Variants in SUSD6 observed in about 807,000 individuals in gnomAD.
SUSD6 encodes sushi domain containing 6.
A neutral mutation model predicts 28.4 loss-of-function variants in SUSD6; 16 were observed. That is an observed-to-expected ratio of 0.56 (90% CI 0.38 to 0.86). The LOEUF is 0.86. SUSD6 is among the 40% of genes least tolerant of loss of function. The pLI is 0.00. For synonymous variants in SUSD6, 147 were observed against 159.6 expected, an observed-to-expected ratio of 0.92 and a Z score of 0.59; for missense variants, 341 against 384.2, an observed-to-expected ratio of 0.89 and a Z score of 0.94.
chr14:69,633,183 C>T (rs1001788638), intron 1 of SUSD6, among the ~76,000 whole-genome samples: 1 of 152,230 alleles, frequency 6.6e-6, no homozygotes, highest in Admixed American at 6.5e-5. Context: ...TTGTTGACTT[C>T]CCACTACTTA....
At chr14:69,660,789 ATAAAG>A (rs1885650551) in intron 2 of SUSD6, among the ~76,000 whole-genome samples, 1 of 152,234 alleles carries the variant, frequency 6.6e-6, no homozygotes, top group Non-Finnish European at 1.5e-5. Flanking sequence ...TTCAATGTCT[ATAAAG>A]TTTTATTGGA....
intron 1 of SUSD6, among the ~76,000 whole-genome samples, chr14:69,630,700 C>T (rs1459441609): frequency 6.6e-6 from 1 of 151,976 alleles, no homozygotes; most frequent in Non-Finnish European, 1.5e-5. Context: ...AAAAAAACCT[C>T]TTCCCCTCTC....
chr14:69,658,720 C>T lies in SUSD6; in HGVS notation c.121+7C>T, dbSNP rs554798849. On this transcript the variant is annotated splice_region_variant and intron_variant, in intron 2 of 5. Transcript: ENST00000342745. ...GGAGACGGACTTGCTTCCGGTAAGT[C>T]CTGACCTGCCTTCTGTGTGTGGGTG... The T allele has an allele frequency of 2.3e-5, 37 of 1,613,864 alleles. 2 individuals are homozygous for T. The Middle Eastern group carries it at 2.1e-3, about 94-fold the overall frequency.
intron 1 of SUSD6, among the ~76,000 whole-genome samples, chr14:69,626,708 C>T (rs1057124108): frequency 2.0e-5 from 3 of 152,018 alleles, no homozygotes; most frequent in African/African-American, 7.2e-5. Flanking sequence ...GAGATAGGGT[C>T]TTGTTCTGTT....
intron 2 of SUSD6, among the ~76,000 whole-genome samples, chr14:69,662,936 C>T (rs1885684522): frequency 6.6e-6 from 1 of 152,186 alleles, no homozygotes; most frequent in Non-Finnish European, 1.5e-5. Context: ...CAAATAACAA[C>T]AACAGAATTG....
At chr14:69,700,974 T>G (rs182943745) in intron 2 of SUSD6, among the ~76,000 whole-genome samples, 3 of 152,320 alleles carry the variant, frequency 2.0e-5, no homozygotes, top group Admixed American at 2.0e-4. Flanking sequence ...GGAGAGTATG[T>G]TTATAAACTC....
At chr14:69,685,330 T>C (rs761254991) in intron 2 of SUSD6, among the ~76,000 whole-genome samples, 16 of 152,234 alleles carry the variant, frequency 1.1e-4, no homozygotes, top group Non-Finnish European at 1.5e-4. Context: ...GAAGGAACCA[T>C]TGTGCTACTA....
chr14:69,709,190 T>C lies in SUSD6; in HGVS notation c.886+86T>C, dbSNP rs541429194. ...AAGGACTGTGAGCCTTTCTAAATAA[T>C]TGGTATATTTTTAGCAAAAAAAAGA... On this transcript the variant is annotated intron_variant, in intron 5 of 5. Coordinates refer to ENST00000342745, the MANE Select transcript of SUSD6 (RefSeq NM_014734.4). The C allele has an allele frequency of 1.3e-5, 16 of 1,245,358 alleles. No homozygotes were observed. In the South Asian group the frequency reaches 1.7e-4, roughly 13 times the overall value. The allele number at this position is 1,245,358 out of a possible 1,614,324, so 77.1% of individuals were successfully genotyped here. A position where few individuals can be genotyped will look rare whatever the true frequency, so the allele number is the denominator to read the frequency against.
chr14:69,683,089 TA>T (rs1886022157), intron 2 of SUSD6, among the ~76,000 whole-genome samples: 1 of 151,648 alleles, frequency 6.6e-6, no homozygotes, highest in Admixed American at 6.6e-5. Context: ...TGAAGGGGGC[TA>T]GGGGTGTTGT....
chr14:69,636,788 C>T (rs1290187712), intron 1 of SUSD6, among the ~76,000 whole-genome samples: 1 of 151,654 alleles, frequency 6.6e-6, no homozygotes, highest in Non-Finnish European at 1.5e-5. Flanking sequence ...TAGTGGAGAA[C>T]AGTTCTGGGC....
At chr14:69,636,269 G>A (rs1322651819) in intron 1 of SUSD6, among the ~76,000 whole-genome samples, 1 of 152,198 alleles carries the variant, frequency 6.6e-6, no homozygotes, top group South Asian at 2.1e-4. Context: ...AGGCATAGAC[G>A]GAGGTGACAG....
intron 1 of SUSD6, among the ~76,000 whole-genome samples, chr14:69,635,859 C>T (rs1478382847): frequency 7.2e-5 from 11 of 152,226 alleles, no homozygotes; most frequent in Non-Finnish European, 1.5e-4. Context: ...TTGGGGATTG[C>T]ACTTGAGCAT....
chr14:69,642,181 T>C (rs76289415), intron 1 of SUSD6, among the ~76,000 whole-genome samples: 6,059 of 152,292 alleles, frequency 0.04, 431 homozygotes, highest in African/African-American at 0.14. Flanking sequence ...TAAAATACTT[T>C]TGGGCTTTGT....
At chr14:69,676,920 G>A (rs1284068306) in intron 2 of SUSD6, among the ~76,000 whole-genome samples, 2 of 152,208 alleles carry the variant, frequency 1.3e-5, no homozygotes, top group South Asian at 2.1e-4. Flanking sequence ...AGCTGCTCCC[G>A]TTATTATGGT....
chr14:69,688,985 C>T (rs1243380323), intron 2 of SUSD6, among the ~76,000 whole-genome samples: 1 of 152,198 alleles, frequency 6.6e-6, no homozygotes, highest in Non-Finnish European at 1.5e-5. Context: ...CCTGCTAAAC[C>T]TGGAAACATT....
chr14:69,647,911 A>G (rs1220890522), intron 1 of SUSD6, among the ~76,000 whole-genome samples: 2 of 152,172 alleles, frequency 1.3e-5, no homozygotes, highest in South Asian at 2.1e-4. Context: ...CTTGAACCCG[A>G]GAGGCAGAGG....
chr14:69,665,943 A>G (rs938068836), intron 2 of SUSD6, among the ~76,000 whole-genome samples: 19 of 152,208 alleles, frequency 1.2e-4, no homozygotes, highest in Non-Finnish European at 2.4e-4. Flanking sequence ...AAGATAGTAT[A>G]TGTAAGGCAT....
intron 2 of SUSD6, among the ~76,000 whole-genome samples, chr14:69,660,298 A>AT (rs1388230883): frequency 2.6e-5 from 4 of 152,114 alleles, no homozygotes; most frequent in East Asian, 1.9e-4. Flanking sequence ...ACAATTACAG[A>AT]TTTTTTTGTT....
At chr14:69,659,648 G>C (rs904268631) in intron 2 of SUSD6, among the ~76,000 whole-genome samples, 2 of 152,174 alleles carry the variant, frequency 1.3e-5, no homozygotes, top group East Asian at 3.9e-4. Flanking sequence ...CTCCCGAGTA[G>C]CTGGGACTAC....
Sources: allele counts gnomAD v4.1 joint callset (sites outside exome capture counted in the v4.1 genomes callset), GRCh38; gene constraint gnomAD v4.1.1; transcripts MANE v1.5; gene names NCBI Gene and HGNC (gene_info 2026-07-23, HGNC 2026-07-21).